Variants in ERBIN observed in about 807,000 individuals in gnomAD.
ERBIN encodes densin-180-like protein.
ERBIN carries 60 observed loss-of-function variants against 158.4 expected under a neutral mutation model. The ratio of observed to expected loss-of-function variants is 0.38; its 90% confidence interval spans 0.31 to 0.47. ERBIN has a LOEUF of 0.47. Ranked by LOEUF, ERBIN falls within the 20% of genes least tolerant of loss-of-function variation. The probability of loss-of-function intolerance (pLI) is 0.99; values close to 1 mark genes in which losing one functional copy is unlikely to be tolerated. For missense variants in ERBIN, 1,610 were observed against 1,648.0 expected (o/e 0.98, Z 0.40); for synonymous variants, 594 against 557.2 (o/e 1.07, Z -0.93).
chr5:66,044,513 C>G (rs1758223736), intron 17 of ERBIN, among the ~76,000 whole-genome samples: 1 of 152,074 alleles, frequency 6.6e-6, no homozygotes. Context: ...ACCTCTAATC[C>G]CAGCACTTTG....
chr5:65,960,856 T>A (rs1200914013), intron 1 of ERBIN, among the ~76,000 whole-genome samples: 1 of 152,206 alleles, frequency 6.6e-6, no homozygotes, highest in African/African-American at 2.4e-5. Flanking sequence ...TAGATAATTA[T>A]AATTTTTTTT....
chr5:65,989,559 C>T (rs909812606), intron 2 of ERBIN, among the ~76,000 whole-genome samples: 8 of 152,118 alleles, frequency 5.3e-5, no homozygotes, highest in African/African-American at 1.9e-4. Context: ...TTCTGTTTGT[C>T]TGTCTGCAAC....
At chr5:65,982,104 GAGATTAT>G (rs1458235755) in intron 1 of ERBIN, among the ~76,000 whole-genome samples, 1 of 152,222 alleles carries the variant, frequency 6.6e-6, no homozygotes, top group Admixed American at 6.5e-5. Context: ...GAGACAAAGA[GAGATTAT>G]TACCACAAAA....
At position 66,078,458 on chromosome 5, in the gene ERBIN, A is replaced by G. The variant is rs760431011; in HGVS notation, c.4167A>G (p.Gly1389=). 6.3e-7 allele frequency: 1 copy of G among 1,590,970 alleles called. No homozygotes were observed. Residue 1389 remains glycine, a synonymous_variant, in exon 26 of 26, where the codon GGA becomes GGG. Coordinates refer to ENST00000284037, the MANE Select transcript of ERBIN (RefSeq NM_001253697.2). ...ACAGTTTTATAAATATTGAACATGGACAAGCAGTGTCCTTGCTAAAAACTT... is the reference window on the plus strand; with the variant it reads ...ACAGTTTTATAAATATTGAACATGGGCAAGCAGTGTCCTTGCTAAAAACTT... ...NGYSFINIEH[G]QAVSLLKTFQ... is the part of the protein sequence containing the mutation.
At chr5:65,935,940 G>T (rs1174160094) in intron 1 of ERBIN, among the ~76,000 whole-genome samples, 5 of 152,088 alleles carry the variant, frequency 3.3e-5, no homozygotes, top group African/African-American at 1.2e-4. Context: ...TGCCAGGATT[G>T]GTCTCCAGCT....
chr5:66,010,700 C>G (rs974108929), intron 4 of ERBIN, among the ~76,000 whole-genome samples: 3 of 152,308 alleles, frequency 2.0e-5, no homozygotes, highest in African/African-American at 4.8e-5. Flanking sequence ...AAATGGTTCT[C>G]TAATGACAAT....
intron 1 of ERBIN, among the ~76,000 whole-genome samples, chr5:65,980,029 GTAGGA>G (rs1400202634): frequency 6.6e-6 from 1 of 152,184 alleles, no homozygotes; most frequent in Non-Finnish European, 1.5e-5. Context: ...AACCAAAAAT[GTAGGA>G]TAGCTAAAAG....
chr5:65,939,670 CCG>C (rs1447583335), intron 1 of ERBIN, among the ~76,000 whole-genome samples: 1 of 14,328 alleles, frequency 7.0e-5, no homozygotes, highest in Non-Finnish European at 7.5e-4. Context: ...CCTCAGCCTG[CCG>C]AGTGCCTGCG....
Position 66,081,742 on chromosome 5 carries a change from A to T in ERBIN, c.*3212A>T, listed in dbSNP as rs1365783210. On this transcript the variant is annotated 3_prime_UTR_variant, in exon 26 of 26. Transcript: ENST00000284037. ...TTCTCTGATGGAGATTGACGTGTGAAATCTATTTGGAAGGGTATTTTTTTC... is the reference window on the plus strand; with the variant it reads ...TTCTCTGATGGAGATTGACGTGTGATATCTATTTGGAAGGGTATTTTTTTC... 1 of 152,064 alleles carries T rather than the reference A, an allele frequency of 6.6e-6. No individual in the cohort carries two copies. The highest frequency in any genetic ancestry group is 1.5e-5 in the Non-Finnish European group (1 of 67,966). 9.4% of individuals were successfully genotyped at this position (152,064 alleles called of 1,614,324 possible).
chr5:66,063,317 A>G (rs1319612745), intron 21 of ERBIN, among the ~76,000 whole-genome samples: 6 of 152,128 alleles, frequency 3.9e-5, no homozygotes, highest in Non-Finnish European at 7.4e-5. Flanking sequence ...GCGAGGCTCC[A>G]TGGGCGTAGG....
At chr5:66,017,327 TC>T (rs1026969082) in intron 7 of ERBIN, among the ~76,000 whole-genome samples, 4 of 152,152 alleles carry the variant, frequency 2.6e-5, no homozygotes, top group African/African-American at 9.7e-5. Flanking sequence ...GTTCAGAGAT[TC>T]CTCTTTGTTC....
chr5:65,967,464 A>G (rs1732141796), intron 1 of ERBIN, among the ~76,000 whole-genome samples: 2 of 152,138 alleles, frequency 1.3e-5, no homozygotes, highest in African/African-American at 4.8e-5. Flanking sequence ...AAATACACAA[A>G]TACTTATCAT....
At chr5:66,061,738 G>A (rs1281442306) in intron 21 of ERBIN, among the ~76,000 whole-genome samples, 1 of 152,174 alleles carries the variant, frequency 6.6e-6, no homozygotes, top group Non-Finnish European at 1.5e-5. Flanking sequence ...GGGCAGGCCT[G>A]GTGGTGACAA....
chr5:65,961,357 T>G (rs1359479328), intron 1 of ERBIN: 1 of 152,198 alleles, frequency 6.6e-6, no homozygotes, highest in Non-Finnish European at 1.5e-5. Flanking sequence ...ATACTGGTGT[T>G]TATTTATATC....
intron 20 of ERBIN, among the ~76,000 whole-genome samples, chr5:66,052,413 A>T (rs778683485): frequency 9.2e-5 from 14 of 152,224 alleles, no homozygotes; most frequent in South Asian, 2.1e-4. Context: ...ATTTATTTCT[A>T]TTCTTTGAAT....
chr5:66,025,402 G>GTA, intron 10 of ERBIN, 78 bp from the exon 11 acceptor site: 1 of 1,020,154 alleles, frequency 9.8e-7, no homozygotes, highest in South Asian at 1.3e-5. Context: ...GTCAGATGTA[G>GTA]TATGTCTCAC....
intron 4 of ERBIN, among the ~76,000 whole-genome samples, chr5:66,008,420 A>G (rs1395502763): frequency 1.3e-5 from 2 of 152,190 alleles, no homozygotes; most frequent in Non-Finnish European, 2.9e-5. Context: ...CTCCATCGCT[A>G]AATAAATAAA....
chr5:66,021,475 A>AT, intron 8 of ERBIN, 90 bp downstream of exon 8: 1 of 964,526 alleles, frequency 1.0e-6, no homozygotes, highest in Non-Finnish European at 1.5e-6. Context: ...TACAAATTGG[A>AT]TAAAGGTTTA....
intron 4 of ERBIN, among the ~76,000 whole-genome samples, chr5:66,008,692 C>G (rs148479896): frequency 6.6e-6 from 1 of 151,886 alleles, no homozygotes; most frequent in East Asian, 1.9e-4. Flanking sequence ...TTGGCTATTT[C>G]GAAATACTGT....
Sources: gnomAD v4.1 joint callset for allele counts (sites outside exome capture counted in the v4.1 genomes callset) on GRCh38, gnomAD v4.1.1 for gene constraint, MANE v1.5 for transcripts, NCBI Gene and HGNC (gene_info 2026-07-23, HGNC 2026-07-21) for gene names.